CSMD1: variants seen among roughly 807,000 people sequenced by gnomAD.
CSMD1 encodes the protein CUB and sushi domain-containing protein 1.
In CSMD1, 213 loss-of-function variants were observed where a neutral mutation model predicts 417.5. The ratio of observed to expected loss-of-function variants is 0.51; its 90% CI spans 0.46 to 0.57. The LOEUF is 0.57. CSMD1 is among the 20% of genes least tolerant of loss of function. The pLI is 0.00. For missense variants in CSMD1, 6,923 were observed against 4,529.7 expected (o/e 1.53, Z -15.17); for synonymous variants, 2,862 against 1,736.8 (o/e 1.65, Z -16.11).
chr8:3,348,105 G>A lies in CSMD1; in HGVS notation c.3361C>T (p.Pro1121Ser). Reference protein sequence around the residue: ...NEGTLLSPNFPSNYDNNHECI... With the variant: ...NEGTLLSPNFSSNYDNNHECI... ...TCATGGTTATTATCATAATTGGATGGAAAATTTGGAGACAGTAATGTTCCT... is the reference window on the plus strand; with the variant it reads ...TCATGGTTATTATCATAATTGGATGAAAAATTTGGAGACAGTAATGTTCCT... The change falls in exon 22 of 70, where the codon CCA (proline) becomes TCA (serine). Residue 1121 changes from proline (P) to serine (S), a missense_variant. Transcript: ENST00000635120. 6.2e-7 allele frequency: 1 copy of A among 1,612,564 alleles called. No individual in the cohort carries two copies. Among genetic ancestry groups the A allele is most frequent in the Non-Finnish European group, 8.5e-7 (1 of 1,179,248 alleles).
intron 5 of CSMD1, among the ~76,000 whole-genome samples, chr8:3,926,298 A>G (rs1286257597): frequency 6.6e-6 from 1 of 152,122 alleles, no homozygotes; most frequent in African/African-American, 2.4e-5. Flanking sequence ...TGTGCCATGT[A>G]TTTCTCCTTA....
intron 22 of CSMD1, among the ~76,000 whole-genome samples, chr8:3,346,645 G>A (rs1808017470): frequency 6.6e-6 from 1 of 152,168 alleles, no homozygotes. Context: ...AGCTTCTCCT[G>A]ACCTTTGCAC....
At chr8:4,337,198 G>A (rs896860229) in intron 3 of CSMD1, among the ~76,000 whole-genome samples, 1 of 152,064 alleles carries the variant, frequency 6.6e-6, no homozygotes, top group Non-Finnish European at 1.5e-5. Context: ...TATCTCAAAA[G>A]GGGAGACTTT....
At chr8:4,361,090 A>C (rs1287126409) in intron 3 of CSMD1, among the ~76,000 whole-genome samples, 4 of 152,314 alleles carry the variant, frequency 2.6e-5, no homozygotes, top group East Asian at 1.9e-4. Flanking sequence ...GTCAGTTCTC[A>C]TGCTACACAC....
intron 49 of CSMD1, among the ~76,000 whole-genome samples, chr8:3,064,973 C>T (rs1585260263): frequency 6.6e-6 from 1 of 152,030 alleles, no homozygotes; most frequent in African/African-American, 2.4e-5. Context: ...GAGTCTATTC[C>T]ATGTGCACTG....
intron 1 of CSMD1, among the ~76,000 whole-genome samples, chr8:4,973,893 A>C (rs1333193989): frequency 1.3e-5 from 2 of 152,228 alleles, no homozygotes; most frequent in Admixed American, 6.5e-5. Context: ...CCTGGCTGAA[A>C]ACATTTTTCT....
At chr8:4,196,960 C>T (rs1029466007) in intron 3 of CSMD1, among the ~76,000 whole-genome samples, 4 of 152,170 alleles carry the variant, frequency 2.6e-5, no homozygotes, top group Admixed American at 2.0e-4. Flanking sequence ...CAATTTTAGT[C>T]ATTTGAGCCT....
intron 3 of CSMD1, among the ~76,000 whole-genome samples, chr8:4,181,467 T>C (rs1179065901): frequency 6.6e-6 from 1 of 151,980 alleles, no homozygotes; most frequent in African/African-American, 2.4e-5. Context: ...ACACAGAAAA[T>C]ACACTAACAC....
chr8:4,417,671 C>G (rs1037722121), intron 3 of CSMD1, among the ~76,000 whole-genome samples: 77 of 152,014 alleles, frequency 5.1e-4, no homozygotes, highest in African/African-American at 1.8e-3. Flanking sequence ...CGTGGGCAGT[C>G]TCTCCAAAAT....
At chr8:3,897,236 C>G (rs573242257) in intron 5 of CSMD1, among the ~76,000 whole-genome samples, 20 of 152,206 alleles carry the variant, frequency 1.3e-4, no homozygotes, top group Admixed American at 5.9e-4. Context: ...CACAGCCTAC[C>G]CTTTCTACAG....
chr8:4,281,791 A>T (rs1247994445), intron 3 of CSMD1, among the ~76,000 whole-genome samples: 1 of 152,244 alleles, frequency 6.6e-6, no homozygotes, highest in African/African-American at 2.4e-5. Flanking sequence ...AACTGTATTA[A>T]AACTTAATCT....
At chr8:4,423,367 A>G (rs1375224062) in intron 2 of CSMD1, among the ~76,000 whole-genome samples, 1 of 152,134 alleles carries the variant, frequency 6.6e-6, no homozygotes, top group Non-Finnish European at 1.5e-5. Context: ...CAAACGTGCA[A>G]GGCACATAAT....
intron 3 of CSMD1, among the ~76,000 whole-genome samples, chr8:4,258,738 G>A (rs1403162311): frequency 2.6e-5 from 4 of 152,014 alleles, no homozygotes; most frequent in Non-Finnish European, 4.4e-5. Context: ...AGCAATGTAT[G>A]AGGACACAGA....
rs527580535 is a variant in CSMD1, at chr8:4,661,424, AT to A, written c.86-23867del. On this transcript the variant is annotated intron_variant, in intron 1 of 69. Transcript: ENST00000635120. ...TGCTATAGGATTCGATTTTTATAAC[AT>A]TTTTGAAGTGACAAAAATATAGAAA... 6.1e-3 allele frequency among the ~76,000 whole-genome samples: 931 copies of A among 152,286 alleles called. 11 individuals are homozygous for A. Among genetic ancestry groups the A allele is most frequent in the African/African-American group, 0.02 (835 of 41,560 alleles).
chr8:3,372,467 G>C (rs1292461911), intron 18 of CSMD1, among the ~76,000 whole-genome samples: 2 of 152,190 alleles, frequency 1.3e-5, no homozygotes, highest in African/African-American at 2.4e-5. Flanking sequence ...GTGGTGAAGG[G>C]AGGAAGGTGG....
chr8:3,090,273 C>G (rs1814847666), intron 48 of CSMD1, among the ~76,000 whole-genome samples: 2 of 134,614 alleles, frequency 1.5e-5, no homozygotes, highest in South Asian at 4.8e-4. Flanking sequence ...GCCGAGATCG[C>G]ACCACTGCAC....
intron 5 of CSMD1, among the ~76,000 whole-genome samples, chr8:3,825,200 G>A (rs1025347556): frequency 2.0e-5 from 3 of 152,172 alleles, no homozygotes; most frequent in Admixed American, 6.5e-5. Context: ...ATTCCCTGAA[G>A]GAGTCATAAA....
rs770331397 is a variant in CSMD1, at chr8:3,214,499, T to A, written c.4865A>T (p.Asn1622Ile). The change falls in exon 30 of 70, where the codon AAT (asparagine) becomes ATT (isoleucine). Residue 1622 changes from asparagine to isoleucine, a missense_variant and splice_region_variant. By Grantham distance (149) the Asn-to-Ile change is moderately radical (BLOSUM62 -3). Coordinates refer to ENST00000635120, the MANE Select transcript of CSMD1 (RefSeq NM_033225.6). ...PSWDQVLPSCNAPCGGQYTGS... is the reference protein window; with the variant it reads ...PSWDQVLPSCIAPCGGQYTGS... ...AAAATACCCAAGCGTGCACTCACCA[T>A]TGCAGGAGGGCAGCACTTGGTCCCA... is the stretch of plus-strand genomic sequence containing the variant. 1.3e-6 allele frequency: 2 copies of A among 1,590,528 alleles called. No individual in the cohort carries two copies. Among genetic ancestry groups the A allele is most frequent in the African/African-American group, 2.7e-5 (2 of 74,428 alleles).
intron 7 of CSMD1, among the ~76,000 whole-genome samples, chr8:3,685,087 C>G (rs573905030): frequency 1.3e-5 from 2 of 152,184 alleles, no homozygotes; most frequent in East Asian, 3.9e-4. Context: ...CATTATAAAA[C>G]GATTTACTGG....
Sources: allele counts gnomAD v4.1 joint callset (sites outside exome capture counted in the v4.1 genomes callset), GRCh38; gene constraint gnomAD v4.1.1; transcripts MANE v1.5; gene names NCBI Gene and HGNC (gene_info 2026-07-23, HGNC 2026-07-21).